SUGCT: variants seen among roughly 807,000 people sequenced by gnomAD.
The protein encoded by SUGCT is succinyl-CoA:glutarate CoA-transferase.
SUGCT carries 41 observed loss-of-function variants against 55.0 expected under a neutral mutation model. The observed-to-expected ratio is 0.74, with a 90% CI of 0.58 to 0.97. SUGCT has a LOEUF of 0.97. Among genes scored for constraint, SUGCT ranks in the 50% least tolerant of loss-of-function variants. SUGCT has a pLI of 0.00. For missense variants in SUGCT, 568 were observed against 547.8 expected, an observed-to-expected ratio of 1.04 and a Z score of -0.37; for synonymous variants, 187 against 200.4, an observed-to-expected ratio of 0.93 and a Z score of 0.56.
chr7:40,472,460 G>A (rs1345159400), intron 11 of SUGCT, among the ~76,000 whole-genome samples: 3 of 152,116 alleles, frequency 2.0e-5, no homozygotes, highest in African/African-American at 7.2e-5. Context: ...TAGCACCAAA[G>A]AAGGAAGTAA....
At chr7:40,406,489 T>A (rs144224006) in intron 9 of SUGCT, among the ~76,000 whole-genome samples, 426 of 152,304 alleles carry the variant, frequency 2.8e-3, no homozygotes, top group African/African-American at 9.4e-3. Flanking sequence ...CCTCTCAAGT[T>A]TGGCCTACAC....
chr7:40,810,214 C>T (rs1322625045), intron 13 of SUGCT, among the ~76,000 whole-genome samples: 1 of 152,026 alleles, frequency 6.6e-6, no homozygotes, highest in Non-Finnish European at 1.5e-5. Context: ...TAGCCTCAAC[C>T]TCCCAGGCCC....
At chr7:40,772,495 TATCTATCTATC>T (rs1187255345) in intron 13 of SUGCT, among the ~76,000 whole-genome samples, 1 of 5,544 alleles carries the variant, frequency 1.8e-4, no homozygotes, top group Non-Finnish European at 4.2e-4. Context: ...TCTTTTGAAA[TATCTATCTATC>T]TATCTATCTA....
intron 13 of SUGCT, among the ~76,000 whole-genome samples, chr7:40,774,756 C>T (rs892407999): frequency 8.3e-5 from 12 of 145,378 alleles, no homozygotes; most frequent in Non-Finnish European, 1.2e-4. Context: ...TGAAATATAA[C>T]GACTAAGGCA....
chr7:40,777,254 C>A lies in SUGCT; in HGVS notation c.1153+27757C>A, dbSNP rs1203117138. 2.0e-5 allele frequency among the ~76,000 whole-genome samples: 3 copies of A among 152,146 alleles called. No individual in the cohort carries two copies. In the East Asian group the frequency reaches 5.8e-4, roughly 29 times the overall value. On this transcript the variant is annotated intron_variant, in intron 13 of 13. Transcript: ENST00000335693. The stretch of plus-strand genomic sequence containing the variant: ...TATTAGTTTCTAGGTTTTGATCCTA[C>A]TTGCTTTTTTTTCTACTTAACTTGA...
At chr7:40,165,109 G>C (rs1784357733) in intron 1 of SUGCT, among the ~76,000 whole-genome samples, 2 of 152,268 alleles carry the variant, frequency 1.3e-5, no homozygotes, top group Middle Eastern at 6.8e-3. Flanking sequence ...CCCATTTTCT[G>C]CCTCCTCATG....
chr7:40,994,238 A>C, the SUGCT span, among the ~76,000 whole-genome samples: 1 of 152,154 alleles, frequency 6.6e-6, no homozygotes, highest in African/African-American at 2.4e-5. Context: ...TTCAGTTTGA[A>C]GGCAAAGAGA....
intron 12 of SUGCT, among the ~76,000 whole-genome samples, chr7:40,609,317 A>C (rs1204944794): frequency 6.6e-6 from 1 of 152,110 alleles, no homozygotes; most frequent in Non-Finnish European, 1.5e-5. Flanking sequence ...TGATTATCCC[A>C]GCACTTTGGG....
In SUGCT at chr7:40,694,149, TC is replaced by T. The variant is rs572521200; in HGVS notation, c.1090-55284del. 3.2e-4 allele frequency among the ~76,000 whole-genome samples: 48 copies of T among 152,348 alleles called. No homozygotes were observed. In the East Asian group the frequency reaches 9.2e-3, roughly 29 times the overall value. ...TCTTGATTTTGACTGGCTTCTATTT[TC>T]GTTTTCCGTTTTGAAAGTTTCTGTC... is the stretch of plus-strand genomic sequence containing the variant. On this transcript the variant is annotated intron_variant, in intron 12 of 13. Coordinates refer to ENST00000335693, the MANE Select transcript of SUGCT (RefSeq NM_001193313.2).
chr7:41,020,343 A>G, the SUGCT span, among the ~76,000 whole-genome samples: 2 of 152,248 alleles, frequency 1.3e-5, no homozygotes, highest in African/African-American at 4.8e-5. Context: ...TCTACAAAGT[A>G]TGGTAGCTAA....
the SUGCT span, among the ~76,000 whole-genome samples, chr7:41,025,450 A>C: frequency 6.6e-6 from 1 of 151,992 alleles, no homozygotes; most frequent in African/African-American, 2.4e-5. Flanking sequence ...GCTCACTGCA[A>C]CCACCGCCTT....
chr7:40,655,983 C>T (rs773938790), intron 12 of SUGCT, among the ~76,000 whole-genome samples: 6 of 151,866 alleles, frequency 4.0e-5, no homozygotes, highest in Admixed American at 6.6e-5. Flanking sequence ...AGGAAGGAGC[C>T]GAGAGGGGCA....
the SUGCT span, among the ~76,000 whole-genome samples, chr7:40,959,641 C>T: frequency 1.3e-5 from 2 of 152,036 alleles, no homozygotes; most frequent in African/African-American, 4.8e-5. Context: ...CCACTCGGCT[C>T]CCTGGCTTCA....
At chr7:40,147,363 C>T (rs1024830309) in intron 1 of SUGCT, among the ~76,000 whole-genome samples, 2 of 152,174 alleles carry the variant, frequency 1.3e-5, no homozygotes, top group African/African-American at 2.4e-5. Flanking sequence ...GTTCAACCCC[C>T]GCCTTCAATG....
intron 13 of SUGCT, among the ~76,000 whole-genome samples, chr7:40,764,522 A>C (rs367825720): frequency 2.1e-4 from 32 of 152,108 alleles, no homozygotes; most frequent in African/African-American, 7.5e-4. Context: ...CTTTTCTTCA[A>C]AAAAAATATA....
At chr7:40,499,256 A>G (rs755649876) in intron 12 of SUGCT, 3 of 320,620 alleles carry the variant, frequency 9.4e-6, no homozygotes, top group Non-Finnish European at 1.9e-5. Context: ...GTCTAACAAC[A>G]ACAACAAAAG....
At chr7:40,630,408 C>G (rs1799735174) in intron 12 of SUGCT, among the ~76,000 whole-genome samples, 1 of 151,966 alleles carries the variant, frequency 6.6e-6, no homozygotes, top group Non-Finnish European at 1.5e-5. Flanking sequence ...GTCGCCTGAC[C>G]CAATGGAGAA....
chr7:40,189,612 G>C lies in SUGCT; in HGVS notation c.363+18G>C, dbSNP rs370847708. 290 of 1,374,078 alleles carry C rather than the reference G, an allele frequency of 2.1e-4. 3 individuals carry two copies. The Middle Eastern group carries it at 6.8e-3, about 32-fold the overall frequency. The allele number at this position is 1,374,078 out of a possible 1,614,324, so 85.1% of individuals were successfully genotyped here. A position where few individuals can be genotyped will look rare whatever the true frequency, so the allele number is the denominator to read the frequency against. On this transcript the variant is annotated intron_variant, in intron 5 of 13. Coordinates refer to ENST00000335693, the MANE Select transcript of SUGCT (RefSeq NM_001193313.2). Reference sequence around the variant, plus strand: ...TCAAAGAGGTACAGTATGATGTATAGAAAGCATCCTACCACCTAGGTTATA... The same window carrying C: ...TCAAAGAGGTACAGTATGATGTATACAAAGCATCCTACCACCTAGGTTATA...
intron 12 of SUGCT, among the ~76,000 whole-genome samples, chr7:40,587,636 A>T (rs1016607597): frequency 1.8e-4 from 27 of 152,176 alleles, no homozygotes; most frequent in African/African-American, 5.5e-4. Flanking sequence ...GTGAAAGAGG[A>T]AGTGATGTTT....
Sources: gnomAD v4.1 joint callset for allele counts (sites outside exome capture counted in the v4.1 genomes callset) on GRCh38, gnomAD v4.1.1 for gene constraint, MANE v1.5 for transcripts, NCBI Gene and HGNC (gene_info 2026-07-23, HGNC 2026-07-21) for gene names.